The following PTPN4 variants were observed in gnomAD, a reference collection of about 807,000 sequenced individuals.
The protein encoded by PTPN4 is protein tyrosine phosphatase non-receptor type 4, also known as tyrosine-protein phosphatase non-receptor type 4.
PTPN4 carries 49 observed loss-of-function variants against 135.5 expected under a neutral mutation model. The observed-to-expected ratio is 0.36, with a 90% CI of 0.29 to 0.46. The LOEUF is 0.46. PTPN4 is among the 20% of genes least tolerant of loss of function. The probability of loss-of-function intolerance (pLI) is 1.00; values close to 1 mark genes in which losing one functional copy is unlikely to be tolerated. For synonymous variants in PTPN4, 333 were observed against 369.9 expected (o/e 0.90, Z 1.14); for missense variants, 860 against 1,101.0 (o/e 0.78, Z 3.10).
chr2:119,820,222 T>G (rs1470008154), intron 2 of PTPN4, among the ~76,000 whole-genome samples: 1 of 152,190 alleles, frequency 6.6e-6, no homozygotes, highest in African/African-American at 2.4e-5. Flanking sequence ...GAATAATCAT[T>G]TAAATATTTT....
chr2:119,964,573 G>T (rs1574424155), intron 24 of PTPN4, among the ~76,000 whole-genome samples: 2 of 152,026 alleles, frequency 1.3e-5, no homozygotes, highest in Admixed American at 6.5e-5. Context: ...GCTCACCCAA[G>T]AATTCATTAG....
At chr2:119,932,200 C>G (rs910222477) in intron 13 of PTPN4, 1 of 295,580 alleles carries the variant, frequency 3.4e-6, no homozygotes, top group African/African-American at 2.2e-5. Context: ...TATTGTCTAT[C>G]TTACTCTTCC....
At chr2:119,949,175 C>T (rs2105050202) in intron 18 of PTPN4, among the ~76,000 whole-genome samples, 1 of 152,156 alleles carries the variant, frequency 6.6e-6, no homozygotes, top group Admixed American at 6.5e-5. Context: ...TAATTTTTCC[C>T]TTCTGCCATG....
intron 20 of PTPN4, among the ~76,000 whole-genome samples, chr2:119,955,597 GT>G (rs1468831318): frequency 6.6e-6 from 1 of 152,058 alleles, no homozygotes; most frequent in Non-Finnish European, 1.5e-5. Flanking sequence ...TTAAATAGCT[GT>G]TTTTTTGAAA....
intron 2 of PTPN4, among the ~76,000 whole-genome samples, chr2:119,835,470 C>T (rs760396371): frequency 3.3e-5 from 5 of 152,188 alleles, no homozygotes; most frequent in East Asian, 3.9e-4. Flanking sequence ...TGTGAGCCAC[C>T]GTGCCTGGCC....
chr2:119,919,605 T>G lies in PTPN4; in HGVS notation c.829-464T>G, dbSNP rs1678707651. Among the ~76,000 whole-genome samples, 3 of 152,058 alleles carry G rather than the reference T, an allele frequency of 2.0e-5. No individual in the cohort carries two copies. The South Asian group carries it at 6.2e-4, about 32-fold the overall frequency. ...TGTGAGGCCAAGGCAGGTAGATCAC[T>G]TGAGGTCAGGAGTTCAAGACCAGCC... On this transcript the variant is annotated intron_variant, in intron 11 of 26. Transcript: ENST00000263708.
rs998267392 is a variant in PTPN4, at chr2:119,951,909, T to C, written c.1657-64T>C. On this transcript the variant is annotated intron_variant, in intron 18 of 26. Coordinates refer to ENST00000263708, the MANE Select transcript of PTPN4 (RefSeq NM_002830.4). ...CTGCTATTGGGTCTATTAAAATAAA[T>C]TCCTGTGCTCTACTTTCAGAAAGTT... The C allele has an allele frequency of 3.0e-6, 4 of 1,346,342 alleles. No homozygotes were observed. In the South Asian group the frequency reaches 6.9e-5, roughly 23 times the overall value. 83.4% of individuals were successfully genotyped at this position (1,346,342 alleles called of 1,614,324 possible). A position where few individuals can be genotyped will look rare whatever the true frequency, so the allele number is the denominator to read the frequency against.
chr2:119,946,684 T>C, intron 18 of PTPN4, 110 bp downstream of exon 18: 1 of 906,302 alleles, frequency 1.1e-6, no homozygotes, highest in Non-Finnish European at 1.7e-6. Flanking sequence ...CTTTTATTTA[T>C]CAAGTGTCAA....
In PTPN4 at chr2:119,982,616, A is replaced by G. The variant is rs930906057; in HGVS notation, c.*5546A>G. The G allele has an allele frequency of 1.3e-5, 2 of 152,218 alleles. No individual in the cohort carries two copies. Among genetic ancestry groups the G allele is most frequent in the African/African-American group, 4.8e-5 (2 of 41,456 alleles). 9.4% of individuals were successfully genotyped at this position (152,218 alleles called of 1,614,324 possible). A position where few individuals can be genotyped will look rare whatever the true frequency, so the allele number is the denominator to read the frequency against. ...TGTAAGTATAAAATAATTGAATTCT[A>G]GACTTTTGGAGTGTGGAAGGGTGTT... On this transcript the variant is annotated 3_prime_UTR_variant, in exon 27 of 27. Coordinates refer to ENST00000263708, the MANE Select transcript of PTPN4 (RefSeq NM_002830.4).
At chr2:119,868,626 G>T (rs1056367965) in intron 3 of PTPN4, among the ~76,000 whole-genome samples, 1 of 152,206 alleles carries the variant, frequency 6.6e-6, no homozygotes, top group South Asian at 2.1e-4. Flanking sequence ...GCGGAAAACC[G>T]CTTAAAGGCA....
intron 2 of PTPN4, among the ~76,000 whole-genome samples, chr2:119,850,714 T>G (rs1677578923): frequency 6.6e-6 from 1 of 152,224 alleles, no homozygotes; most frequent in African/African-American, 2.4e-5. Context: ...CTTTGTTACT[T>G]TCTTTTAGGT....
Position 119,957,071 on chromosome 2 carries a change from TA to T in PTPN4, c.2128del (p.Ile710Ter). The T allele has an allele frequency of 6.2e-7, 1 of 1,607,186 alleles. No homozygotes were observed. On this transcript the variant is annotated frameshift_variant, in exon 22 of 27. Transcript: ENST00000263708. LOFTEE classifies it high-confidence loss of function. The stretch of plus-strand genomic sequence containing the variant: ...ATGAAGACTACATCAATGCGAACTA[TA>T]TAAATGTAAGTTTATTCTTATTATG... Reference protein sequence around the residue: ...GNEDYINANYINMEIPSSSII... With the variant: ...GNEDYINANYXNMEIPSSSII...
At chr2:119,950,339 AG>A (rs1285371768) in intron 18 of PTPN4, among the ~76,000 whole-genome samples, 1 of 152,210 alleles carries the variant, frequency 6.6e-6, no homozygotes, top group Non-Finnish European at 1.5e-5. Context: ...TCACTACATA[AG>A]TAGACAAAAA....
At chr2:119,905,380 A>G (rs1678472273) in intron 10 of PTPN4, among the ~76,000 whole-genome samples, 1 of 152,248 alleles carries the variant, frequency 6.6e-6, no homozygotes, top group Non-Finnish European at 1.5e-5. Context: ...CCATAAAAAG[A>G]GACAAGGTCA....
rs143133835 is a variant in PTPN4, at chr2:119,793,368, T to A, written c.-17-16469T>A. On this transcript the variant is annotated intron_variant, in intron 1 of 26. Transcript: ENST00000263708. ...CCCAGGCAGTTAGACCTAATGGTTA[T>A]CTCCCTTGTCCCCTGAACATCGCTG... Among the ~76,000 whole-genome samples, 800 of 152,316 alleles carry A rather than the reference T, an allele frequency of 5.3e-3. 6 individuals are homozygous for A. Among genetic ancestry groups the A allele is most frequent in the Non-Finnish European group, 7.7e-3 (522 of 68,022 alleles).
rs1679658831 is a variant in PTPN4 at position 119,979,214 on chromosome 2, G to A, written c.*2144G>A. 5 of 152,092 alleles carry A rather than the reference G, an allele frequency of 3.3e-5. No homozygotes were observed. The highest frequency in any genetic ancestry group is 3.3e-4 in the Admixed American group (5 of 15,274). The allele number at this position is 152,092 out of a possible 1,614,324, so 9.4% of individuals were successfully genotyped here. A position where few individuals can be genotyped will look rare whatever the true frequency, so the allele number is the denominator to read the frequency against. On this transcript the variant is annotated 3_prime_UTR_variant, in exon 27 of 27. Transcript: ENST00000263708. Reference sequence around the variant, plus strand: ...CTGAATTTAAAAATAAAATTTGTCTGTTCTATCTGTATGGACAGAATATGA... The same window carrying A: ...CTGAATTTAAAAATAAAATTTGTCTATTCTATCTGTATGGACAGAATATGA...
chr2:119,822,355 T>TCC (rs772960066), intron 2 of PTPN4, among the ~76,000 whole-genome samples: 1,516 of 112,310 alleles, frequency 0.013, 10 homozygotes, highest in Non-Finnish European at 0.021. Flanking sequence ...TAGTATCCCC[T>TCC]CCCCCCCCCT....
At position 119,846,705 on chromosome 2, in the gene PTPN4, A is replaced by G. The variant is rs373205399; in HGVS notation, c.139-15831A>G. On this transcript the variant is annotated intron_variant, in intron 2 of 26. Transcript: ENST00000263708. ...TTCCTCCTTTATTGCTTTCTTTTACATTCAGTGCATATTTTCTTGTGTAAC... is the reference window on the plus strand; with the variant it reads ...TTCCTCCTTTATTGCTTTCTTTTACGTTCAGTGCATATTTTCTTGTGTAAC... 1.1e-3 allele frequency among the ~76,000 whole-genome samples: 165 copies of G among 151,646 alleles called. 1 individual carries two copies. In the South Asian group the frequency reaches 0.011, roughly 11 times the overall value.
intron 15 of PTPN4, among the ~76,000 whole-genome samples, chr2:119,935,556 A>T (rs1678970246): frequency 6.6e-6 from 1 of 152,136 alleles, no homozygotes; most frequent in African/African-American, 2.4e-5. Flanking sequence ...AACAAGTAGG[A>T]GTTCAGCCTG....
Sources: allele counts gnomAD v4.1 joint callset (sites outside exome capture counted in the v4.1 genomes callset), GRCh38; gene constraint gnomAD v4.1.1; transcripts MANE v1.5; gene names NCBI Gene and HGNC (gene_info 2026-07-23, HGNC 2026-07-21).